Variants in RNF152 observed in about 807,000 individuals in gnomAD.
RNF152 encodes ring finger protein 152.
RNF152 carries 11 observed loss-of-function variants against 12.7 expected under a neutral mutation model. The observed-to-expected ratio is 0.86, with a 90% CI of 0.54 to 1.43. The LOEUF is 1.43. Ranked by LOEUF, RNF152 falls within the 40% of genes most tolerant of loss-of-function variation. RNF152 has a pLI of 0.00. For missense variants in RNF152, 255 were observed against 274.8 expected, an observed-to-expected ratio of 0.93 and a Z score of 0.51; for synonymous variants, 113 against 120.3, an observed-to-expected ratio of 0.94 and a Z score of 0.40.
intron 1 of RNF152, among the ~76,000 whole-genome samples, chr18:61,879,505 A>T (rs1368871027): frequency 6.6e-6 from 1 of 152,050 alleles, no homozygotes; most frequent in Non-Finnish European, 1.5e-5. Flanking sequence ...GCTTTCCATC[A>T]CTATGCTGTG....
chr18:61,876,949 T>G (rs557214006), intron 1 of RNF152, among the ~76,000 whole-genome samples: 2 of 152,316 alleles, frequency 1.3e-5, no homozygotes, highest in Admixed American at 6.5e-5. Flanking sequence ...ACTTGACCAT[T>G]GTATCCTCAA....
intron 1 of RNF152, among the ~76,000 whole-genome samples, chr18:61,825,174 G>C (rs1465309283): frequency 6.6e-6 from 1 of 152,160 alleles, no homozygotes; most frequent in Non-Finnish European, 1.5e-5. Flanking sequence ...TCAAGGAACC[G>C]GCGTTGCCAT....
At chr18:61,878,777 C>A (rs1440817866) in intron 1 of RNF152, among the ~76,000 whole-genome samples, 1 of 152,146 alleles carries the variant, frequency 6.6e-6, no homozygotes, top group African/African-American at 2.4e-5. Context: ...CCTCTTCGGG[C>A]ATTAATCCCA....
rs921434773 is a variant in RNF152, at chr18:61,832,001, C to A, written c.-135-15403G>T. Among the ~76,000 whole-genome samples, 30 of 152,144 alleles carry A rather than the reference C, an allele frequency of 2.0e-4. No homozygotes were observed. In the East Asian group the frequency reaches 3.9e-3, roughly 20 times the overall value. Reference sequence around the variant, plus strand: ...CACATATACCAAATAAAATCCAATTCATTTTCTTGAAACTAAGAGACACAG... The same window carrying A: ...CACATATACCAAATAAAATCCAATTAATTTTCTTGAAACTAAGAGACACAG... On this transcript the variant is annotated intron_variant, in intron 1 of 1. Coordinates refer to ENST00000312828, the MANE Select transcript of RNF152 (RefSeq NM_173557.3).
rs1908973212 is a variant in RNF152, at chr18:61,814,562, GA to G, written c.*1289del. The G allele has an allele frequency of 6.6e-6, 1 of 152,186 alleles. No individual in the cohort carries two copies. Among genetic ancestry groups the G allele is most frequent in the Admixed American group, 6.5e-5 (1 of 15,272 alleles). 9.4% of individuals were successfully genotyped at this position (152,186 alleles called of 1,614,324 possible). A position where few individuals can be genotyped will look rare whatever the true frequency, so the allele number is the denominator to read the frequency against. On this transcript the variant is annotated 3_prime_UTR_variant, in exon 2 of 2. Transcript: ENST00000312828. Reference sequence around the variant, plus strand: ...CATTTAAGAACATTTGACAGTTTATGAGGAACTGGTCCACTTATATTGGGAA... The same window carrying G: ...CATTTAAGAACATTTGACAGTTTATGGGAACTGGTCCACTTATATTGGGAA...
intron 1 of RNF152, among the ~76,000 whole-genome samples, chr18:61,834,546 C>G (rs1411119323): frequency 6.6e-6 from 1 of 152,212 alleles, no homozygotes; most frequent in Admixed American, 6.5e-5. Context: ...TCTGCCTCGG[C>G]TACAAAGAAG....
intron 1 of RNF152, among the ~76,000 whole-genome samples, chr18:61,820,327 TCAC>T (rs1380565734): frequency 5.3e-4 from 10 of 18,758 alleles, no homozygotes; most frequent in Non-Finnish European, 1.0e-3. Flanking sequence ...AGACTCCGTC[TCAC>T]CAAAAAAAAA....
intron 1 of RNF152, among the ~76,000 whole-genome samples, chr18:61,878,738 A>C (rs1484864173): frequency 6.6e-6 from 1 of 152,236 alleles, no homozygotes; most frequent in Admixed American, 6.5e-5. Flanking sequence ...GTGGCAGAAG[A>C]AATGGAAGGG....
intron 1 of RNF152, among the ~76,000 whole-genome samples, chr18:61,876,047 T>A (rs1211531333): frequency 6.6e-6 from 1 of 152,038 alleles, no homozygotes; most frequent in African/African-American, 2.4e-5. Context: ...CTATTCCTAC[T>A]CCCATACTCC....
At chr18:61,865,027 A>G (rs750182127) in intron 1 of RNF152, among the ~76,000 whole-genome samples, 2 of 152,350 alleles carry the variant, frequency 1.3e-5, no homozygotes, top group Non-Finnish European at 2.9e-5. Context: ...TCTCAAAAAA[A>G]AAAGGAGTTT....
Position 61,892,932 on chromosome 18 carries a change from A to G in RNF152, c.-273T>C, listed in dbSNP as rs1913028075. 1 of 152,300 alleles carries G rather than the reference A, an allele frequency of 6.6e-6. No homozygotes were observed. The highest frequency in any genetic ancestry group is 6.5e-5 in the Admixed American group (1 of 15,288). The allele number at this position is 152,300 out of a possible 1,614,324, so 9.4% of individuals were successfully genotyped here. A position where few individuals can be genotyped will look rare whatever the true frequency, so the allele number is the denominator to read the frequency against. On this transcript the variant is annotated 5_prime_UTR_variant, in exon 1 of 2. It removes an upstream start codon present in the reference 5' UTR. Transcript: ENST00000312828. Reference sequence around the variant, plus strand: ...CTTTCTTCAGCCTGCAGTGAAATACATGCAGGAAGGGTTAGATACGCGCCG... The same window carrying G: ...CTTTCTTCAGCCTGCAGTGAAATACGTGCAGGAAGGGTTAGATACGCGCCG...
At chr18:61,853,657 A>G (rs1911090733) in intron 1 of RNF152, among the ~76,000 whole-genome samples, 1 of 152,050 alleles carries the variant, frequency 6.6e-6, no homozygotes, top group Non-Finnish European at 1.5e-5. Flanking sequence ...CTTTCCTCAC[A>G]TTACTGTTGT....
At chr18:61,821,839 T>C (rs1909430404) in intron 1 of RNF152, among the ~76,000 whole-genome samples, 1 of 152,198 alleles carries the variant, frequency 6.6e-6, no homozygotes, top group African/African-American at 2.4e-5. Flanking sequence ...CTGCACACTC[T>C]TTATGAGGAT....
chr18:61,848,796 G>A (rs1487309926), intron 1 of RNF152, among the ~76,000 whole-genome samples: 1 of 152,210 alleles, frequency 6.6e-6, no homozygotes, highest in Non-Finnish European at 1.5e-5. Flanking sequence ...AAGGCAGGGA[G>A]GAGGAAAGTA....
At chr18:61,875,962 C>T (rs1046495749) in intron 1 of RNF152, among the ~76,000 whole-genome samples, 2 of 152,122 alleles carry the variant, frequency 1.3e-5, no homozygotes, top group Admixed American at 6.6e-5. Flanking sequence ...CCTCCAGTCC[C>T]CAAACCATCA....
chr18:61,832,331 T>C (rs997106279), intron 1 of RNF152, among the ~76,000 whole-genome samples: 1 of 152,222 alleles, frequency 6.6e-6, no homozygotes, highest in African/African-American at 2.4e-5. Context: ...TGTATATATG[T>C]ACTACTTAAC....
chr18:61,844,167 AAGGG>A (rs1910635341), intron 1 of RNF152, among the ~76,000 whole-genome samples: 1 of 120,480 alleles, frequency 8.3e-6, no homozygotes, highest in South Asian at 3.0e-4. Context: ...GGAAGGGAGG[AAGGG>A]AGGAAGAGAG....
At chr18:61,817,889 C>T (rs1165338492) in intron 1 of RNF152, among the ~76,000 whole-genome samples, 1 of 152,058 alleles carries the variant, frequency 6.6e-6, no homozygotes, top group Non-Finnish European at 1.5e-5. Context: ...TGAAAGCATC[C>T]AAATTATGTG....
intron 1 of RNF152, among the ~76,000 whole-genome samples, chr18:61,844,918 T>C (rs148845355): frequency 6.2e-4 from 95 of 152,104 alleles, no homozygotes; most frequent in African/African-American, 2.2e-3. Flanking sequence ...TGATTTACGA[T>C]TTATAGAGGG....
Sources: gnomAD v4.1 joint callset for allele counts (sites outside exome capture counted in the v4.1 genomes callset) on GRCh38, gnomAD v4.1.1 for gene constraint, MANE v1.5 for transcripts, NCBI Gene and HGNC (gene_info 2026-07-23, HGNC 2026-07-21) for gene names.